Variants in LDLRAD4 observed in about 807,000 individuals in gnomAD.
The protein encoded by LDLRAD4 is low density lipoprotein receptor class A domain containing 4, also known as low-density lipoprotein receptor class A domain-containing protein 4.
LDLRAD4 carries 5 observed loss-of-function variants against 17.0 expected under a neutral mutation model. The ratio of observed to expected loss-of-function variants is 0.29; its 90% CI spans 0.15 to 0.62. The LOEUF (loss-of-function observed/expected upper bound fraction) is 0.62. Among genes scored for constraint, LDLRAD4 ranks in the 20% least tolerant of loss-of-function variants. LDLRAD4 has a pLI of 0.84. For missense variants in LDLRAD4, 340 were observed against 424.7 expected (o/e 0.80, Z 1.75); for synonymous variants, 168 against 171.8 (o/e 0.98, Z 0.17).
intron 3 of LDLRAD4, chr18:13,500,636 CTT>C (rs1213746169): frequency 6.6e-6 from 1 of 152,188 alleles, no homozygotes; most frequent in African/African-American, 2.4e-5. Flanking sequence ...AACGTCCTGT[CTT>C]TTGAACTGAA....
intron 3 of LDLRAD4, among the ~76,000 whole-genome samples, chr18:13,571,602 G>GA (rs1291318715): frequency 6.6e-6 from 1 of 152,104 alleles, no homozygotes; most frequent in Non-Finnish European, 1.5e-5. Flanking sequence ...TTTGGATTCT[G>GA]AAAAATGATA....
In LDLRAD4 at chr18:13,313,892, GTTTTTA is replaced by G. The variant is rs1395997173; in HGVS notation, c.-383+35722_-383+35727del. ...TGGATTAAGGAGAGTAGTTTGTTTG[GTTTTTA>G]TTTTTATTTTTATTTTTTGCAGTTT... On this transcript the variant is annotated intron_variant, in intron 1 of 5. Coordinates refer to ENST00000359446, the Ensembl canonical transcript of LDLRAD4. Among the ~76,000 whole-genome samples, 22 of 152,192 alleles carry G rather than the reference GTTTTTA, an allele frequency of 1.4e-4. No individual in the cohort carries two copies. In the South Asian group the frequency reaches 4.1e-3, roughly 29 times the overall value.
At chr18:13,533,073 T>G (rs1337707665) in intron 3 of LDLRAD4, among the ~76,000 whole-genome samples, 2 of 152,266 alleles carry the variant, frequency 1.3e-5, no homozygotes, top group Non-Finnish European at 2.9e-5. Context: ...TTTCATTAAC[T>G]AATACATCAA....
intron 2 of LDLRAD4, among the ~76,000 whole-genome samples, chr18:13,418,495 CTG>C (rs2089145103): frequency 6.6e-6 from 1 of 152,236 alleles, no homozygotes; most frequent in Non-Finnish European, 1.5e-5. Context: ...GTTGTGTTTT[CTG>C]TGTCTCCGGC....
At chr18:13,380,347 G>A (rs1208231541) in intron 1 of LDLRAD4, among the ~76,000 whole-genome samples, 1 of 152,196 alleles carries the variant, frequency 6.6e-6, no homozygotes, top group Non-Finnish European at 1.5e-5. Context: ...TCTCCCTCCT[G>A]AGCCAGTGTC....
At chr18:13,386,336 T>G (rs932417406) in intron 1 of LDLRAD4, among the ~76,000 whole-genome samples, 8 of 152,062 alleles carry the variant, frequency 5.3e-5, no homozygotes, top group Admixed American at 5.2e-4. Context: ...TTAAAATATC[T>G]GAAAAACATT....
chr18:13,456,237 G>C (rs973716562), intron 3 of LDLRAD4, among the ~76,000 whole-genome samples: 1 of 152,178 alleles, frequency 6.6e-6, no homozygotes, highest in South Asian at 2.1e-4. Flanking sequence ...GCATGTACAC[G>C]TTTTGCCTGA....
intron 1 of LDLRAD4, among the ~76,000 whole-genome samples, chr18:13,304,145 G>C (rs2046772817): frequency 6.6e-6 from 1 of 152,196 alleles, no homozygotes; most frequent in South Asian, 2.1e-4. Context: ...CCCAGGCCAG[G>C]ACCTGGGCGG....
Position 13,467,638 on chromosome 18 carries a change from CT to C in LDLRAD4, c.181+29255del, listed in dbSNP as rs1460308209. 5.9e-5 allele frequency among the ~76,000 whole-genome samples: 9 copies of C among 152,316 alleles called. 3 individuals are homozygous for C. Among genetic ancestry groups the C allele is most frequent in the Admixed American group, 5.9e-4 (9 of 15,296 alleles). On this transcript the variant is annotated intron_variant, in intron 3 of 5. Transcript: ENST00000359446. ...TAACAGCCTTTCACTTTTGCAAAAG[CT>C]GATCTTAAGATTCATATAGAATTTC... is the stretch of plus-strand genomic sequence containing the variant.
chr18:13,432,719 CTATT>C (rs909729625), intron 2 of LDLRAD4, among the ~76,000 whole-genome samples: 4 of 152,110 alleles, frequency 2.6e-5, no homozygotes, highest in Non-Finnish European at 5.9e-5. Flanking sequence ...AATTTTACTT[CTATT>C]TATTTATTTA....
At chr18:13,312,867 G>T (rs985071560) in intron 1 of LDLRAD4, among the ~76,000 whole-genome samples, 1 of 152,110 alleles carries the variant, frequency 6.6e-6, no homozygotes, top group Non-Finnish European at 1.5e-5. Context: ...AAACCACTTG[G>T]GAAAACTCTT....
chr18:13,586,660 G>A lies in LDLRAD4; in HGVS notation c.182-34457G>A, dbSNP rs148149284. Among the ~76,000 whole-genome samples, 605 of 151,806 alleles carry A rather than the reference G, an allele frequency of 4.0e-3. 3 individuals carry two copies. The highest frequency in any genetic ancestry group is 4.3e-3 in the Non-Finnish European group (289 of 67,950). ...GGGAATCGTTGAGAGGCCAAGGTAGGCAGATCACTTAAGGTCAGAAGTTTG... is the reference window on the plus strand; with the variant it reads ...GGGAATCGTTGAGAGGCCAAGGTAGACAGATCACTTAAGGTCAGAAGTTTG... On this transcript the variant is annotated intron_variant, in intron 3 of 5. Transcript: ENST00000359446.
chr18:13,439,150 A>G (rs779469437), intron 3 of LDLRAD4, among the ~76,000 whole-genome samples: 3 of 152,060 alleles, frequency 2.0e-5, no homozygotes, highest in African/African-American at 7.2e-5. Flanking sequence ...AGATCATTTT[A>G]TGATGCATTG....
intron 2 of LDLRAD4, among the ~76,000 whole-genome samples, chr18:13,392,143 T>C (rs1478048852): frequency 6.6e-6 from 1 of 152,282 alleles, no homozygotes; most frequent in African/African-American, 2.4e-5. Context: ...GAGGCTGTGC[T>C]GAAACTGGTT....
chr18:13,376,798 G>A (rs1317075411), intron 1 of LDLRAD4, among the ~76,000 whole-genome samples: 2 of 152,198 alleles, frequency 1.3e-5, no homozygotes, highest in Non-Finnish European at 2.9e-5. Context: ...CTTTCCCCAT[G>A]AATAACCCTC....
At chr18:13,441,114 G>T (rs2090995565) in intron 3 of LDLRAD4, among the ~76,000 whole-genome samples, 1 of 152,236 alleles carries the variant, frequency 6.6e-6, no homozygotes, top group Admixed American at 6.5e-5. Flanking sequence ...ACCTCTGCCA[G>T]GTGTGTGGCT....
At chr18:13,267,183 T>A (rs2044267503) in intron 1 of LDLRAD4, among the ~76,000 whole-genome samples, 2 of 152,218 alleles carry the variant, frequency 1.3e-5, no homozygotes, top group Non-Finnish European at 2.9e-5. Flanking sequence ...ATAGAAACAT[T>A]TTTTGGTATG....
chr18:13,504,684 A>T (rs1648592), intron 3 of LDLRAD4, among the ~76,000 whole-genome samples: 138,873 of 152,260 alleles, frequency 0.91, 63,813 homozygotes, highest in South Asian at 0.98. Flanking sequence ...TGCTTCGGCT[A>T]CCCAAAGTGC....
intron 2 of LDLRAD4, among the ~76,000 whole-genome samples, chr18:13,428,774 G>A (rs763491272): frequency 1.3e-5 from 2 of 152,172 alleles, no homozygotes; most frequent in African/African-American, 2.4e-5. Context: ...GACTGCAGTG[G>A]CATCTCTATC....
Sources: gnomAD v4.1 joint callset for allele counts (sites outside exome capture counted in the v4.1 genomes callset) on GRCh38, gnomAD v4.1.1 for gene constraint, MANE v1.5 for transcripts, NCBI Gene and HGNC (gene_info 2026-07-23, HGNC 2026-07-21) for gene names.